BRINP3: variants seen among roughly 807,000 people sequenced by gnomAD.
The protein encoded by BRINP3 is BMP/retinoic acid-inducible neural-specific protein 3.
Under a neutral mutation model 71.0 loss-of-function variants are expected in BRINP3, and 19 were observed. That is an observed-to-expected ratio of 0.27 (90% CI 0.19 to 0.39). The LOEUF is 0.39. Ranked by LOEUF, BRINP3 falls within the 10% of genes least tolerant of loss-of-function variation. The pLI, the probability that BRINP3 is intolerant of heterozygous loss-of-function variation, is 1.00. For synonymous variants in BRINP3, 380 were observed against 337.7 expected, an observed-to-expected ratio of 1.13 and a Z score of -1.37; for missense variants, 959 against 940.8, an observed-to-expected ratio of 1.02 and a Z score of -0.25.
chr1:190,103,053 G>T (rs1380603918), intron 7 of BRINP3, among the ~76,000 whole-genome samples: 2 of 151,932 alleles, frequency 1.3e-5, no homozygotes, highest in Non-Finnish European at 2.9e-5. Flanking sequence ...TTCTCCACAG[G>T]ATACACATTA....
intron 7 of BRINP3, among the ~76,000 whole-genome samples, chr1:190,113,217 C>T (rs773260613): frequency 1.3e-5 from 2 of 151,436 alleles, no homozygotes; most frequent in African/African-American, 2.4e-5. Context: ...ATTCTTCTTC[C>T]ACTCCTCCTC....
At chr1:190,426,092 T>C (rs1673686338) in intron 2 of BRINP3, among the ~76,000 whole-genome samples, 1 of 151,856 alleles carries the variant, frequency 6.6e-6, no homozygotes, top group African/African-American at 2.4e-5. Flanking sequence ...TAATAAAATC[T>C]GAGGATTGTA....
intron 2 of BRINP3, among the ~76,000 whole-genome samples, chr1:190,283,381 A>C (rs1484003841): frequency 6.6e-6 from 1 of 151,850 alleles, no homozygotes; most frequent in Non-Finnish European, 1.5e-5. Flanking sequence ...TCTTCTGGTG[A>C]CCATACTTTG....
intron 1 of BRINP3, among the ~76,000 whole-genome samples, chr1:190,474,110 T>C (rs1677338506): frequency 6.6e-6 from 1 of 152,196 alleles, no homozygotes; most frequent in South Asian, 2.1e-4. Flanking sequence ...TTATTAAGAT[T>C]ATACATTTCT....
At chr1:190,099,471 G>A (rs1255880887) in intron 7 of BRINP3, among the ~76,000 whole-genome samples, 3 of 152,088 alleles carry the variant, frequency 2.0e-5, no homozygotes, top group Non-Finnish European at 4.4e-5. Flanking sequence ...GAAGACCATT[G>A]TAAATAAAAA....
intron 4 of BRINP3, among the ~76,000 whole-genome samples, chr1:190,235,162 C>G (rs1423565482): frequency 6.6e-6 from 1 of 151,994 alleles, no homozygotes; most frequent in African/African-American, 2.4e-5. Flanking sequence ...CAAAGTATTC[C>G]TTGATGATTT....
At chr1:190,392,778 G>GA (rs886176830) in intron 2 of BRINP3, among the ~76,000 whole-genome samples, 8 of 151,336 alleles carry the variant, frequency 5.3e-5, no homozygotes, top group Admixed American at 1.3e-4. Flanking sequence ...ACTGTAAGGG[G>GA]AAAAAAATCT....
chr1:190,157,412 G>C (rs552043494), intron 7 of BRINP3, among the ~76,000 whole-genome samples: 3 of 151,912 alleles, frequency 2.0e-5, no homozygotes, highest in Non-Finnish European at 2.9e-5. Context: ...AATGATTGCC[G>C]TTCCTTGAGA....
intron 2 of BRINP3, among the ~76,000 whole-genome samples, chr1:190,289,648 T>C (rs1167775101): frequency 4.6e-5 from 7 of 152,024 alleles, no homozygotes; most frequent in Non-Finnish European, 8.8e-5. Flanking sequence ...CTGTCTTGTA[T>C]GGATTACAAA....
intron 2 of BRINP3, among the ~76,000 whole-genome samples, chr1:190,296,242 AC>A (rs34907040): frequency 0.39 from 58,371 of 150,716 alleles, 12,380 homozygotes; most frequent in Non-Finnish European, 0.48. Context: ...TTAAAAAAAA[AC>A]ATGGGATGTA....
rs78770799 is a variant in BRINP3, at chr1:190,285,683, T to C, written c.237-3933A>G. Among the ~76,000 whole-genome samples, 66 of 152,176 alleles carry C rather than the reference T, an allele frequency of 4.3e-4. No homozygotes were observed. In the East Asian group the frequency reaches 0.012, roughly 28 times the overall value. On this transcript the variant is annotated intron_variant, in intron 2 of 7. Transcript: ENST00000367462. Reference sequence around the variant, plus strand: ...AAATCTTAGGAAGGTAATAAGGAGCTAATGTCTGTATATAAATTGGAATCT... The same window carrying C: ...AAATCTTAGGAAGGTAATAAGGAGCCAATGTCTGTATATAAATTGGAATCT...
At chr1:190,261,825 C>A (rs1026472345) in intron 4 of BRINP3, among the ~76,000 whole-genome samples, 3 of 152,076 alleles carry the variant, frequency 2.0e-5, no homozygotes, top group African/African-American at 7.2e-5. Context: ...TGCATTGAAC[C>A]TTTAGGTATT....
rs1038408460 is a variant in BRINP3 at position 190,356,973 on chromosome 1, C to T, written c.237-75223G>A. Among the ~76,000 whole-genome samples, 4 of 151,168 alleles carry T rather than the reference C, an allele frequency of 2.6e-5. 1 individual carries two copies. Among genetic ancestry groups the T allele is most frequent in the Non-Finnish European group, 5.9e-5 (4 of 67,976 alleles). On this transcript the variant is annotated intron_variant, in intron 2 of 7. Transcript: ENST00000367462. ...GGAGACAACTAGGTTAACAGGTACT[C>T]TACAGAGGGACAGAGTGACAAATGC...
chr1:190,357,558 A>T lies in BRINP3; in HGVS notation c.237-75808T>A, dbSNP rs148307614. Among the ~76,000 whole-genome samples, 836 of 151,972 alleles carry T rather than the reference A, an allele frequency of 5.5e-3. 9 individuals are homozygous for T. The highest frequency in any genetic ancestry group is 0.019 in the African/African-American group (766 of 41,398). ...AGCTTTTTGTGTAGTAAAGAATTTA[A>T]CTTGGGCCTGTAGCCTTGTAGTATA... is the stretch of plus-strand genomic sequence containing the variant. On this transcript the variant is annotated intron_variant, in intron 2 of 7. Transcript: ENST00000367462.
intron 2 of BRINP3, among the ~76,000 whole-genome samples, chr1:190,356,751 C>A (rs1423165928): frequency 2.0e-5 from 3 of 151,958 alleles, no homozygotes; most frequent in Non-Finnish European, 4.4e-5. Context: ...AACATATTCC[C>A]AAATTTAGAA....
intron 6 of BRINP3, among the ~76,000 whole-genome samples, chr1:190,214,867 T>C (rs753030698): frequency 1.3e-5 from 2 of 151,926 alleles, no homozygotes; most frequent in African/African-American, 4.8e-5. Context: ...TCAGATTGAC[T>C]TAACAGTGAA....
intron 2 of BRINP3, among the ~76,000 whole-genome samples, chr1:190,419,923 G>T (rs1673261550): frequency 6.6e-6 from 1 of 151,888 alleles, no homozygotes; most frequent in South Asian, 2.1e-4. Flanking sequence ...TTCAAATGGG[G>T]TTGGCATTTG....
chr1:190,358,422 C>T (rs1478451092), intron 2 of BRINP3, among the ~76,000 whole-genome samples: 2 of 152,176 alleles, frequency 1.3e-5, no homozygotes, highest in Non-Finnish European at 2.9e-5. Flanking sequence ...TGCTCATCAA[C>T]ACTGGCCATC....
rs528378830 is a variant in BRINP3, at chr1:190,402,546, G to A, written c.236+52109C>T. Among the ~76,000 whole-genome samples, 3 of 152,080 alleles carry A rather than the reference G, an allele frequency of 2.0e-5. No individual in the cohort carries two copies. The South Asian group carries it at 6.2e-4, about 32-fold the overall frequency. On this transcript the variant is annotated intron_variant, in intron 2 of 7. Coordinates refer to ENST00000367462, the MANE Select transcript of BRINP3 (RefSeq NM_199051.3). ...GCTTTGCCATTAAAACCACCGTGTC[G>A]ATTCACAGAACAGATGAAAAAGTCC...
Sources: allele counts gnomAD v4.1 joint callset (sites outside exome capture counted in the v4.1 genomes callset), GRCh38; gene constraint gnomAD v4.1.1; transcripts MANE v1.5; gene names NCBI Gene and HGNC (gene_info 2026-07-23, HGNC 2026-07-21).